Variants in SYNE1 observed in about 807,000 individuals in gnomAD.
SYNE1 encodes the protein spectrin repeat containing nuclear envelope protein 1, also known as nesprin-1.
SYNE1 carries 616 observed loss-of-function variants against 1,111.0 expected under a neutral mutation model. The ratio of observed to expected loss-of-function variants is 0.55; its 90% CI spans 0.52 to 0.59. SYNE1 has a LOEUF of 0.59. SYNE1 is among the 20% of genes least tolerant of loss of function. The pLI, the probability that SYNE1 is intolerant of heterozygous loss-of-function variation, is 0.00. For missense variants in SYNE1, 10,006 were observed against 10,417.0 expected (o/e 0.96, Z 1.72); for synonymous variants, 3,855 against 3,825.8 (o/e 1.01, Z -0.28).
Position 152,321,356 on chromosome 6 carries a change from T to C in SYNE1, c.16118A>G (p.Asn5373Ser). 1 of 1,613,910 alleles carries C rather than the reference T, an allele frequency of 6.2e-7. No individual in the cohort carries two copies. The highest frequency in any genetic ancestry group is 8.5e-7 in the Non-Finnish European group (1 of 1,179,888). ...CTGTTCTTCTGCCATTTTTTCAATG[T>C]TCTGTCGGTGATTTGTGGCTTCTGT... ...LLTEATNHRQ[N>S]IEKMAEEQKE... The change falls in exon 84 of 146, where the codon AAC becomes AGC. Residue 5373 changes from asparagine to serine, a missense_variant. Transcript: ENST00000367255.
At chr6:152,498,886 C>T (rs533460459) in intron 10 of SYNE1, 94 bp from the exon 11 acceptor site, 8 of 659,608 alleles carry the variant, frequency 1.2e-5, no homozygotes, top group South Asian at 7.5e-5. Context: ...GAAAGGCATC[C>T]GCCTTTAGAG....
rs758400851 is a variant in SYNE1 at position 152,148,295 on chromosome 6, G to T, written c.24726C>A (p.Asp8242Glu). Residue 8242 changes from aspartate to glutamate, a missense_variant, in exon 137 of 146, where the codon GAC becomes GAA. Physicochemically the swap from Asp to Glu is conservative, Grantham distance 45. Transcript: ENST00000367255. This position sits in a 1 kb window ranked among gnomAD's most constrained non-coding sequence, Gnocchi z 4.1. ...SAALSDLHWH[D>E]RSADSLLSPQ... The stretch of plus-strand genomic sequence containing the variant: ...GAGAAAGCAGGCTGTCTGCAGAGCG[G>T]TCGTGCCAGTGCAGGTCCGACAGAG... 1.2e-6 allele frequency: 2 copies of T among 1,613,938 alleles called. No individual in the cohort carries two copies. Among genetic ancestry groups the T allele is most frequent in the Admixed American group, 3.3e-5 (2 of 60,022 alleles).
At chr6:152,524,375 C>T (rs1337220772) in intron 5 of SYNE1, among the ~76,000 whole-genome samples, 4 of 152,068 alleles carry the variant, frequency 2.6e-5, no homozygotes, top group Non-Finnish European at 5.9e-5. Flanking sequence ...TGTCAATAAA[C>T]ACTTAGAATG....
chr6:152,202,030 T>C, intron 126 of SYNE1, 81 bp from the exon 127 acceptor site: 1 of 1,529,906 alleles, frequency 6.5e-7, no homozygotes, highest in South Asian at 1.1e-5. Context: ...AACACTCTTC[T>C]TCATTCCCAG....
At chr6:152,317,447 C>T (rs1460954906) in intron 86 of SYNE1, among the ~76,000 whole-genome samples, 1 of 151,968 alleles carries the variant, frequency 6.6e-6, no homozygotes, top group Non-Finnish European at 1.5e-5. Context: ...AACTCCTAGG[C>T]TCAAGTGATC....
intron 105 of SYNE1, 134 bp downstream of exon 105, chr6:152,249,027 T>C (rs2088301942): frequency 1.4e-6 from 1 of 700,514 alleles, no homozygotes; most frequent in Non-Finnish European, 2.6e-6. Context: ...TCAAACCCAG[T>C]ACTCAAAAAC....
chr6:152,239,754 T>C (rs1258802856), intron 107 of SYNE1, 48 bp from the exon 108 acceptor site: 1 of 1,610,940 alleles, frequency 6.2e-7, no homozygotes, highest in Non-Finnish European at 8.5e-7. Context: ...TCATATATTA[T>C]GTTAGAATCA....
At chr6:152,624,383 T>A (rs143914298) in intron 3 of SYNE1, among the ~76,000 whole-genome samples, 94 of 152,290 alleles carry the variant, frequency 6.2e-4, no homozygotes, top group African/African-American at 2.1e-3. Flanking sequence ...CAACAAGTTC[T>A]TTTTAAGTAA....
At chr6:152,225,301 A>ATG (rs1554234426) in intron 116 of SYNE1, among the ~76,000 whole-genome samples, 14 of 110,872 alleles carry the variant, frequency 1.3e-4, no homozygotes, top group African/African-American at 4.6e-4. Flanking sequence ...ACACACACAC[A>ATG]CGCACACACA....
intron 64 of SYNE1, among the ~76,000 whole-genome samples, chr6:152,360,955 G>A (rs1490289306): frequency 6.6e-6 from 1 of 152,160 alleles, no homozygotes; most frequent in Non-Finnish European, 1.5e-5. Flanking sequence ...TTCACTGAAG[G>A]AGAGGGACAT....
Position 152,369,452 on chromosome 6 carries a change from G to C in SYNE1, c.9651+19C>G. On this transcript the variant is annotated intron_variant, in intron 60 of 145. Transcript: ENST00000367255. ...CAAAGACTAGGTCAGATGGGGCTACGGGGAGGCGGGCTCATCACCTGGAGC... is the reference window on the plus strand; with the variant it reads ...CAAAGACTAGGTCAGATGGGGCTACCGGGAGGCGGGCTCATCACCTGGAGC... 6.2e-7 allele frequency: 1 copy of C among 1,614,084 alleles called. No individual in the cohort carries two copies. Among genetic ancestry groups the C allele is most frequent in the Non-Finnish European group, 8.5e-7 (1 of 1,180,006 alleles).
intron 4 of SYNE1, among the ~76,000 whole-genome samples, chr6:152,536,173 G>A (rs562892395): frequency 9.9e-4 from 150 of 150,872 alleles, no homozygotes; most frequent in Non-Finnish European, 1.9e-3. Flanking sequence ...CTCCTCGGGC[G>A]CCTTGTTCCT....
chr6:152,358,799 T>C (rs2096882559), intron 65 of SYNE1, among the ~76,000 whole-genome samples: 1 of 152,210 alleles, frequency 6.6e-6, no homozygotes. Context: ...GGCTAAGAAA[T>C]GAATTCACTT....
chr6:152,364,354 C>CT lies in SYNE1; in HGVS notation c.10145+492dup, dbSNP rs556542274. ...ACACCCTTTACTTACTGCCCTCCCCCTGCCTGCCATTTCTTTCCCACTCCT... is the reference window on the plus strand; with the variant it reads ...ACACCCTTTACTTACTGCCCTCCCCCTTGCCTGCCATTTCTTTCCCACTCCT... On this transcript the variant is annotated intron_variant, in intron 63 of 145. Transcript: ENST00000367255. Among the ~76,000 whole-genome samples, 290 of 152,232 alleles carry CT rather than the reference C, an allele frequency of 1.9e-3. 3 individuals are homozygous for CT. The highest frequency in any genetic ancestry group is 6.4e-3 in the East Asian group (33 of 5,170).
At chr6:152,400,666 A>T (rs2097799320) in intron 47 of SYNE1, among the ~76,000 whole-genome samples, 1 of 152,148 alleles carries the variant, frequency 6.6e-6, no homozygotes, top group South Asian at 2.1e-4. Context: ...CATCTCAAAA[A>T]ATAAAAATAA....
At chr6:152,446,105 T>C (rs2098586620) in intron 29 of SYNE1, among the ~76,000 whole-genome samples, 1 of 136,674 alleles carries the variant, frequency 7.3e-6, no homozygotes, top group South Asian at 2.4e-4. Context: ...TTAAAGACAG[T>C]CAATTTTTTT....
rs2098416961 is a variant in SYNE1, at chr6:152,430,288, G to A, written c.4690-78C>T. The A allele has an allele frequency of 1.1e-5, 14 of 1,281,596 alleles. No individual in the cohort carries two copies. The South Asian group carries it at 1.8e-4, about 16-fold the overall frequency. 79.4% of individuals were successfully genotyped at this position (1,281,596 alleles called of 1,614,324 possible). A position where few individuals can be genotyped will look rare whatever the true frequency, so the allele number is the denominator to read the frequency against. ...CAAAAAAAAAAGTTACTGAGAAAAT[G>A]GCATACCTACCTTTTATGGATAACT... On this transcript the variant is annotated intron_variant, in intron 35 of 145. Transcript: ENST00000367255.
At chr6:152,389,935 T>A (rs1021173856) in intron 53 of SYNE1, among the ~76,000 whole-genome samples, 1 of 152,244 alleles carries the variant, frequency 6.6e-6, no homozygotes, top group Non-Finnish European at 1.5e-5. Flanking sequence ...ATTTTCCATA[T>A]GTTCCTTAAG....
Position 152,444,793 on chromosome 6 carries a change from C to T in SYNE1, c.3670-215G>A, listed in dbSNP as rs372970818. Among the ~76,000 whole-genome samples the T allele has an allele frequency of 2.3e-4, 35 of 152,184 alleles. No individual in the cohort carries two copies. The South Asian group carries it at 6.4e-3, about 28-fold the overall frequency. The stretch of plus-strand genomic sequence containing the variant: ...TGTGAGAACACTTAAGGTCCACTCT[C>T]GTAGCAAGTTTCAAGTATACAATAG... On this transcript the variant is annotated intron_variant, in intron 29 of 145. Coordinates refer to ENST00000367255, the MANE Select transcript of SYNE1 (RefSeq NM_182961.4).
Sources: allele counts gnomAD v4.1 joint callset (sites outside exome capture counted in the v4.1 genomes callset), GRCh38; gene constraint gnomAD v4.1.1; non-coding constraint Gnocchi (gnomAD v3.1); transcripts MANE v1.5; gene names NCBI Gene and HGNC (gene_info 2026-07-23, HGNC 2026-07-21).